VRK2: variants seen among roughly 807,000 people sequenced by gnomAD.
The protein encoded by VRK2 is serine/threonine-protein kinase VRK2.
In VRK2, 60 loss-of-function variants were observed where a neutral mutation model predicts 57.6. The observed-to-expected ratio is 1.04, with a 90% confidence interval of 0.85 to 1.29. VRK2 has a LOEUF of 1.29. Ranked by LOEUF, VRK2 falls within the 50% of genes most tolerant of loss-of-function variation. VRK2 has a pLI of 0.00. For synonymous variants in VRK2, 231 were observed against 199.2 expected (o/e 1.16, Z -1.35); for missense variants, 705 against 588.1 (o/e 1.20, Z -2.06).
At chr2:58,047,547 T>C (rs1316050820) in intron 1 of VRK2, 1 of 698,466 alleles carries the variant, frequency 1.4e-6, no homozygotes, top group African/African-American at 1.9e-5. Context: ...TTATCTTTTT[T>C]ATAATTATTT....
In VRK2 at chr2:57,972,576, C is replaced by T. The variant is rs375475574; in HGVS notation, c.-438-53089C>T. 2.0e-3 allele frequency among the ~76,000 whole-genome samples: 304 copies of T among 151,898 alleles called. 1 individual carries two copies. The highest frequency in any genetic ancestry group is 6.8e-3 in the Middle Eastern group (2 of 294). On this transcript the variant is annotated intron_variant, in intron 1 of 15. Coordinates refer to the VRK2 transcript ENST00000417641. ...GGAGTGATTAGTTTCTGGGAGATTA[C>T]GCCATGAATTCAATACAGAATAGAT...
At chr2:58,030,817 G>T (rs948533884) in intron 2 of VRK2, among the ~76,000 whole-genome samples, 3 of 152,058 alleles carry the variant, frequency 2.0e-5, no homozygotes, top group Non-Finnish European at 4.4e-5. Flanking sequence ...TATGACTTCT[G>T]AGGCTGGTAA....
chr2:58,019,566 A>T (rs1673687388), intron 1 of VRK2, among the ~76,000 whole-genome samples: 2 of 152,226 alleles, frequency 1.3e-5, no homozygotes, highest in Non-Finnish European at 2.9e-5. Flanking sequence ...AATAACTAGC[A>T]TTCCAGTTAT....
intron 1 of VRK2, among the ~76,000 whole-genome samples, chr2:57,995,018 T>C (rs950538078): frequency 2.0e-5 from 3 of 152,322 alleles, no homozygotes; most frequent in East Asian, 1.9e-4. Flanking sequence ...AGAAATTTAA[T>C]AGGAAAGGGA....
chr2:57,982,795 C>A lies in VRK2; in HGVS notation c.-438-42870C>A, dbSNP rs184463031. On this transcript the variant is annotated intron_variant, in intron 1 of 15. Transcript: ENST00000417641. The stretch of plus-strand genomic sequence containing the variant: ...CAGTAAAGGCTACAGCCACCTAGGG[C>A]ATTACAGTGAACATTGGGGAATGGG... 3.9e-5 allele frequency among the ~76,000 whole-genome samples: 6 copies of A among 152,328 alleles called. No homozygotes were observed. In the East Asian group the frequency reaches 1.2e-3, roughly 29 times the overall value.
intron 2 of VRK2, among the ~76,000 whole-genome samples, chr2:58,078,134 A>G (rs780335644): frequency 4.6e-5 from 7 of 152,152 alleles, no homozygotes; most frequent in Non-Finnish European, 7.4e-5. Flanking sequence ...TATATTCATT[A>G]AACAGTAATT....
upstream of VRK2, among the ~76,000 whole-genome samples, chr2:58,046,120 C>G (rs984939254): frequency 3.7e-4 from 56 of 152,188 alleles, no homozygotes; most frequent in Non-Finnish European, 1.6e-4. Context: ...GCTGGGAGTA[C>G]AGGCGTGAGC....
At chr2:58,027,944 A>G (rs183594698) in intron 2 of VRK2, among the ~76,000 whole-genome samples, 1 of 152,326 alleles carries the variant, frequency 6.6e-6, no homozygotes, top group African/African-American at 2.4e-5. Context: ...TAGTTTTAGA[A>G]AAATGTGACC....
chr2:58,031,483 A>T (rs1205529762), intron 2 of VRK2, among the ~76,000 whole-genome samples: 1 of 152,098 alleles, frequency 6.6e-6, no homozygotes, highest in Non-Finnish European at 1.5e-5. Flanking sequence ...GTAAGGGCAG[A>T]GAAAAATAAA....
chr2:57,953,088 G>A (rs1392489363), intron 1 of VRK2, among the ~76,000 whole-genome samples: 1 of 152,222 alleles, frequency 6.6e-6, no homozygotes, highest in Non-Finnish European at 1.5e-5. Flanking sequence ...GACAAAAGGT[G>A]AGGAGGAGAA....
chr2:57,914,137 A>T (rs1202960535), intron 1 of VRK2, among the ~76,000 whole-genome samples: 1 of 152,058 alleles, frequency 6.6e-6, no homozygotes, highest in East Asian at 1.9e-4. Context: ...CCATTAGTCA[A>T]TTAAATATAT....
chr2:57,913,348 G>A (rs535989298), intron 1 of VRK2, among the ~76,000 whole-genome samples: 2 of 152,260 alleles, frequency 1.3e-5, no homozygotes, highest in African/African-American at 2.4e-5. Context: ...CTATAAAAGT[G>A]CTTTTTAAAT....
chr2:58,056,109 G>T (rs1303136770), intron 2 of VRK2, among the ~76,000 whole-genome samples: 1 of 151,884 alleles, frequency 6.6e-6, no homozygotes, highest in Non-Finnish European at 1.5e-5. Context: ...CTAAAAGAGG[G>T]CACGCTTCCT....
chr2:58,110,027 T>C (rs1219953246), intron 7 of VRK2, among the ~76,000 whole-genome samples: 1 of 152,150 alleles, frequency 6.6e-6, no homozygotes, highest in African/African-American at 2.4e-5. Flanking sequence ...CTTAACTAAG[T>C]GTAGAACTTG....
intron 1 of VRK2, among the ~76,000 whole-genome samples, chr2:57,982,305 G>C (rs1204191792): frequency 6.6e-6 from 1 of 152,166 alleles, no homozygotes; most frequent in East Asian, 1.9e-4. Context: ...ACTCTAATGG[G>C]GGCTGCTGGC....
chr2:58,073,865 G>A (rs1292549914), intron 2 of VRK2, among the ~76,000 whole-genome samples: 3 of 151,896 alleles, frequency 2.0e-5, no homozygotes. Context: ...GGCTAAGACA[G>A]TCTAATCTTT....
chr2:58,150,561 AG>A (rs1386919126), intron 12 of VRK2, among the ~76,000 whole-genome samples: 69 of 77,714 alleles, frequency 8.9e-4, no homozygotes, highest in African/African-American at 3.0e-3. Flanking sequence ...TTTTTTTTTT[AG>A]TTTTTTTTTT....
intron 12 of VRK2, among the ~76,000 whole-genome samples, chr2:58,151,298 T>G (rs1437514966): frequency 1.3e-5 from 2 of 151,794 alleles, no homozygotes; most frequent in Non-Finnish European, 3.0e-5. Context: ...TATATGTTCT[T>G]GGTTAACTGT....
chr2:58,017,592 A>ATCAAT (rs1673624546), intron 1 of VRK2, among the ~76,000 whole-genome samples: 2 of 152,144 alleles, frequency 1.3e-5, no homozygotes, highest in African/African-American at 2.4e-5. Context: ...CATTTCTCTG[A>ATCAAT]TCAATTCCTT....
Sources: gnomAD v4.1 joint callset for allele counts (sites outside exome capture counted in the v4.1 genomes callset) on GRCh38, gnomAD v4.1.1 for gene constraint, MANE v1.5 for transcripts, NCBI Gene and HGNC (gene_info 2026-07-23, HGNC 2026-07-21) for gene names.